ANXA2: variants seen among roughly 807,000 people sequenced by gnomAD.
The protein encoded by ANXA2 is annexin A2.
A neutral mutation model predicts 47.3 loss-of-function variants in ANXA2; 28 were observed. The observed-to-expected ratio is 0.59, with a 90% CI of 0.44 to 0.81. The LOEUF is 0.81. ANXA2 is among the 40% of genes least tolerant of loss of function. The pLI, the probability that ANXA2 is intolerant of heterozygous loss-of-function variation, is 0.00. For missense variants in ANXA2, 384 were observed against 414.3 expected (o/e 0.93, Z 0.64); for synonymous variants, 172 against 155.5 (o/e 1.11, Z -0.79).
At chr15:60,365,485 T>C (rs1248118758) in intron 3 of ANXA2, among the ~76,000 whole-genome samples, 1 of 152,046 alleles carries the variant, frequency 6.6e-6, no homozygotes, top group Non-Finnish European at 1.5e-5. Context: ...GGTGAGAGAG[T>C]AGAGTTGCTA....
chr15:60,360,822 A>T (rs940225422), intron 5 of ANXA2, 119 bp downstream of exon 5: 32 of 677,888 alleles, frequency 4.7e-5, no homozygotes, highest in African/African-American at 2.4e-4. Context: ...GTTCATTTTT[A>T]AAAAATGGTT....
intron 3 of ANXA2, among the ~76,000 whole-genome samples, chr15:60,371,339 G>A (rs139318148): frequency 7.7e-4 from 118 of 152,314 alleles, no homozygotes; most frequent in African/African-American, 2.7e-3. Context: ...TGGGGGTCAT[G>A]GGTCCCATAA....
chr15:60,362,935 T>G (rs1228176329), intron 4 of ANXA2: 1 of 144,344 alleles, frequency 6.9e-6, no homozygotes, highest in Non-Finnish European at 1.5e-5. Context: ...TTTGGGAGGC[T>G]GAGATGAATC....
chr15:60,372,822 T>G (rs1177264451), intron 3 of ANXA2, among the ~76,000 whole-genome samples: 3 of 151,486 alleles, frequency 2.0e-5, no homozygotes, highest in African/African-American at 7.3e-5. Context: ...ACCTCCTGAG[T>G]AGCTGGAAGC....
intron 10 of ANXA2, 32 bp downstream of exon 10, chr15:60,351,692 G>A: frequency 1.4e-6 from 2 of 1,386,260 alleles, no homozygotes; most frequent in Non-Finnish European, 1.0e-6. Context: ...GGTAGCTGAT[G>A]TCTACCAGGA....
chr15:60,360,791 A>C, intron 5 of ANXA2, 150 bp downstream of exon 5: 1 of 618,930 alleles, frequency 1.6e-6, no homozygotes, highest in Non-Finnish European at 2.9e-6. Context: ...TTTGGTACAA[A>C]TCCTGAGACA....
chr15:60,397,941 A>T lies in ANXA2; in HGVS notation c.-12+2T>A. ...CGGGCGGGCAGGGCGCGCCCCGCTT[A>T]CCTGGGCCGTGCGCCGAGAGCTGAG... On this transcript the variant is annotated splice_donor_variant, in intron 1 of 12. Transcript: ENST00000451270. LOFTEE classifies it low-confidence loss of function (5UTR_SPLICE). 2 of 1,300,756 alleles carry T rather than the reference A, an allele frequency of 1.5e-6. No homozygotes were observed. Among genetic ancestry groups the T allele is most frequent in the Non-Finnish European group, 2.0e-6 (2 of 1,023,738 alleles). 80.6% of individuals were successfully genotyped at this position (1,300,756 alleles called of 1,614,324 possible). A position where few individuals can be genotyped will look rare whatever the true frequency, so the allele number is the denominator to read the frequency against.
intron 7 of ANXA2, 29 bp downstream of exon 7, chr15:60,355,890 A>C: frequency 6.3e-7 from 1 of 1,587,456 alleles, no homozygotes; most frequent in Non-Finnish European, 8.7e-7. Context: ...GGAGGAAGCA[A>C]GGGCAAAGAA....
chr15:60,349,543 G>A (rs1274786610), intron 11 of ANXA2, among the ~76,000 whole-genome samples: 1 of 152,014 alleles, frequency 6.6e-6, no homozygotes, highest in Admixed American at 6.6e-5. Context: ...ATAAATCTGA[G>A]ATATAAAACA....
rs2140799456 is a variant in ANXA2 at position 60,355,960 on chromosome 15, T to C, written c.487A>G (p.Thr163Ala). ...TDLEKDIISD[T>A]SGDFRKLMVA... ...ATCAGCTTGCGGAAGTCACCAGATG[T>C]GTCCGAAATAATGTCCTTCTCCAGA... Residue 163 changes from threonine to alanine, a missense_variant, in exon 7 of 13, where the codon ACA becomes GCA. Coordinates refer to ENST00000451270, the MANE Select transcript of ANXA2 (RefSeq NM_004039.3). The C allele has an allele frequency of 6.2e-7, 1 of 1,614,134 alleles. No individual in the cohort carries two copies. The highest frequency in any genetic ancestry group is 8.5e-7 in the Non-Finnish European group (1 of 1,180,006).
chr15:60,380,728 C>T (rs1245242996), intron 3 of ANXA2, among the ~76,000 whole-genome samples: 4 of 133,644 alleles, frequency 3.0e-5, no homozygotes, highest in African/African-American at 8.7e-5. Context: ...CACTTGAGCC[C>T]GGGAGGTGGA....
At position 60,347,661 on chromosome 15, in the gene ANXA2, G is replaced by A. The variant is rs200561310; in HGVS notation, c.989C>T (p.Ala330Val). ...QQDTKGDYQKALLYLCGGDD is the reference protein window; with the variant it reads ...QQDTKGDYQKVLLYLCGGDD The stretch of plus-strand genomic sequence containing the variant: ...ATCTCCACCACACAGGTACAGCAGC[G>A]CTTTCTGGTAGTCGCCCTTAGTGTC... Residue 330 changes from alanine (A) to valine (V), a missense_variant, in exon 13 of 13, where the codon GCG becomes GTG. Ala to Val is a moderately conservative substitution (Grantham distance 64). Transcript: ENST00000451270. 93 of 1,614,054 alleles carry A rather than the reference G, an allele frequency of 5.8e-5. No individual in the cohort carries two copies. The highest frequency in any genetic ancestry group is 1.6e-4 in the Middle Eastern group (1 of 6,084).
rs774177312 is a variant in ANXA2, at chr15:60,382,449, T to C, written c.49-8A>G. 6.9e-6 allele frequency: 11 copies of C among 1,585,418 alleles called. No individual in the cohort carries two copies. The East Asian group carries it at 2.5e-4, about 35-fold the overall frequency. On this transcript the variant is annotated splice_region_variant and splice_polypyrimidine_tract_variant and intron_variant, in intron 2 of 12. Coordinates refer to ENST00000451270, the MANE Select transcript of ANXA2 (RefSeq NM_004039.3). The stretch of plus-strand genomic sequence containing the variant: ...ACTTGGGGGTGTAGAGTGCTGAGGT[T>C]AAAAGATAAACATACTCAAATGACA...
chr15:60,388,184 G>A (rs987541694), intron 1 of ANXA2, among the ~76,000 whole-genome samples: 110 of 150,030 alleles, frequency 7.3e-4, no homozygotes, highest in Non-Finnish European at 9.8e-4. Context: ...GCAAAACTCC[G>A]TCTCAAAAAA....
Position 60,393,298 on chromosome 15 carries a change from G to A in ANXA2, c.-12+4645C>T, listed in dbSNP as rs1279198333. 4.9e-6 allele frequency: 5 copies of A among 1,013,390 alleles called. No individual in the cohort carries two copies. In the East Asian group the frequency reaches 5.2e-4, roughly 105 times the overall value. The allele number at this position is 1,013,390 out of a possible 1,614,324, so 62.8% of individuals were successfully genotyped here. A position where few individuals can be genotyped will look rare whatever the true frequency, so the allele number is the denominator to read the frequency against. On this transcript the variant is annotated intron_variant, in intron 1 of 12. Coordinates refer to ENST00000451270, the MANE Select transcript of ANXA2 (RefSeq NM_004039.3). Reference sequence around the variant, plus strand: ...GCTGGTATCCTGATCTGGGGTTGGAGTGGGTGGAAAGAGACCGGCAGGAAG... The same window carrying A: ...GCTGGTATCCTGATCTGGGGTTGGAATGGGTGGAAAGAGACCGGCAGGAAG...
At chr15:60,367,170 G>C (rs2062631397) in intron 3 of ANXA2, among the ~76,000 whole-genome samples, 1 of 88,068 alleles carries the variant, frequency 1.1e-5, no homozygotes, top group South Asian at 4.2e-4. Context: ...AGGGGGGAGG[G>C]GGGGTCAGCC....
intron 8 of ANXA2, 92 bp downstream of exon 8, chr15:60,354,062 G>A: frequency 1.0e-6 from 1 of 956,252 alleles, no homozygotes; most frequent in South Asian, 1.6e-5. Flanking sequence ...CAGAGTTTGG[G>A]AGTCATTTGT....
intron 5 of ANXA2, among the ~76,000 whole-genome samples, chr15:60,357,604 T>A (rs2062452337): frequency 6.6e-6 from 1 of 152,074 alleles, no homozygotes; most frequent in African/African-American, 2.4e-5. Flanking sequence ...CCATTCTGGC[T>A]AACACAGTGA....
At chr15:60,392,492 G>A (rs2063026203) in intron 1 of ANXA2, among the ~76,000 whole-genome samples, 1 of 134,278 alleles carries the variant, frequency 7.4e-6, no homozygotes, top group Non-Finnish European at 1.6e-5. Flanking sequence ...GACAAGTGAA[G>A]CAGTTTTAAC....
Sources: allele counts gnomAD v4.1 joint callset (sites outside exome capture counted in the v4.1 genomes callset), GRCh38; gene constraint gnomAD v4.1.1; transcripts MANE v1.5; gene names NCBI Gene and HGNC (gene_info 2026-07-23, HGNC 2026-07-21).